NEK11: variants seen among roughly 807,000 people sequenced by gnomAD.
The protein encoded by NEK11 is serine/threonine-protein kinase Nek11.
Under a neutral mutation model 80.7 loss-of-function variants are expected in NEK11, and 72 were observed. The observed-to-expected ratio is 0.89, with a 90% CI of 0.74 to 1.08. The LOEUF (loss-of-function observed/expected upper bound fraction) is 1.08, where lower values mean the gene tolerates loss of function less well. Among genes scored for constraint, NEK11 ranks in the 50% least tolerant of loss-of-function variants. NEK11 has a pLI of 0.00. For missense variants in NEK11, 764 were observed against 763.6 expected (o/e 1.00, Z -0.01); for synonymous variants, 251 against 260.7 (o/e 0.96, Z 0.36).
chr3:131,199,890 G>A (rs562704010), intron 14 of NEK11, among the ~76,000 whole-genome samples: 18 of 152,186 alleles, frequency 1.2e-4, no homozygotes, highest in East Asian at 3.9e-4. Context: ...GCAAAAGACC[G>A]GGGAAACACA....
chr3:131,164,781 A>G (rs904404393), intron 11 of NEK11, among the ~76,000 whole-genome samples: 4 of 152,218 alleles, frequency 2.6e-5, no homozygotes, highest in African/African-American at 7.2e-5. Context: ...TGTTTTAGCT[A>G]GAAAATGACT....
At chr3:131,113,076 T>A (rs1361684739) in intron 5 of NEK11, among the ~76,000 whole-genome samples, 1 of 151,824 alleles carries the variant, frequency 6.6e-6, no homozygotes, top group Non-Finnish European at 1.5e-5. Context: ...CTGGCAGAGG[T>A]GGGTAGAATG....
At chr3:131,301,669 T>C (rs1294380449) in intron 17 of NEK11, among the ~76,000 whole-genome samples, 1 of 152,214 alleles carries the variant, frequency 6.6e-6, no homozygotes, top group Non-Finnish European at 1.5e-5. Context: ...GTTTCTGTGG[T>C]GAATCACATT....
chr3:131,325,980 C>G (rs1038530203), intron 17 of NEK11: 1 of 152,166 alleles, frequency 6.6e-6, no homozygotes, highest in Non-Finnish European at 1.5e-5. Context: ...GTGGTCTAGA[C>G]AACAAGAGAA....
chr3:131,038,248 T>C (rs546475490), intron 3 of NEK11, among the ~76,000 whole-genome samples: 40 of 152,302 alleles, frequency 2.6e-4, no homozygotes, highest in African/African-American at 9.6e-4. Flanking sequence ...GGACTTCACT[T>C]TGGGCTTTGT....
At chr3:131,294,644 T>C (rs1352558221) in intron 17 of NEK11, among the ~76,000 whole-genome samples, 2 of 152,140 alleles carry the variant, frequency 1.3e-5, no homozygotes, top group Non-Finnish European at 2.9e-5. Flanking sequence ...TGTCTATTTC[T>C]GAAAGAAGGA....
chr3:131,253,107 T>G (rs528325867), intron 16 of NEK11, among the ~76,000 whole-genome samples: 33 of 152,252 alleles, frequency 2.2e-4, no homozygotes, highest in African/African-American at 7.2e-4. Context: ...AGAGAGCTCA[T>G]GAAGGTTCAA....
Position 131,228,566 on chromosome 3 carries a change from G to A in NEK11, c.1438G>A (p.Ala480Thr), listed in dbSNP as rs200376501. The A allele has an allele frequency of 2.0e-5, 32 of 1,613,274 alleles. No homozygotes were observed. Among genetic ancestry groups the A allele is most frequent in the African/African-American group, 1.2e-4 (9 of 74,994 alleles). ...CCCACTTGTGGCTGAAGAGTACTACGCTGATGCATTTGATTCCTATTGTGA... is the reference window on the plus strand; with the variant it reads ...CCCACTTGTGGCTGAAGAGTACTACACTGATGCATTTGATTCCTATTGTGA... ...EDPLVAEEYY[A>T]DAFDSYCEES... Residue 480 changes from alanine to threonine, a missense_variant, in exon 15 of 18, where the codon GCT becomes ACT. By Grantham distance (58) the Ala-to-Thr change is moderately conservative (BLOSUM62 0). Coordinates refer to ENST00000383366, the MANE Select transcript of NEK11 (RefSeq NM_024800.5).
chr3:131,258,843 C>A (rs1275310235), intron 16 of NEK11, among the ~76,000 whole-genome samples: 1 of 152,120 alleles, frequency 6.6e-6, no homozygotes, highest in Non-Finnish European at 1.5e-5. Flanking sequence ...CCAAGTTGAT[C>A]CACTTTTTCC....
chr3:131,212,647 T>G (rs2094673822), intron 14 of NEK11, among the ~76,000 whole-genome samples: 1 of 152,202 alleles, frequency 6.6e-6, no homozygotes, highest in Non-Finnish European at 1.5e-5. Context: ...AAAGTCAACA[T>G]CTAAATGTCA....
At chr3:131,224,584 T>C (rs1482370138) in intron 14 of NEK11, among the ~76,000 whole-genome samples, 1 of 152,060 alleles carries the variant, frequency 6.6e-6, no homozygotes, top group African/African-American at 2.4e-5. Context: ...TTAAAAAAAA[T>C]TAACTGTAAA....
chr3:131,189,222 G>T (rs749078285), intron 14 of NEK11, among the ~76,000 whole-genome samples: 1 of 152,152 alleles, frequency 6.6e-6, no homozygotes, highest in Non-Finnish European at 1.5e-5. Flanking sequence ...AGAATTGTGA[G>T]AGAATAAATT....
chr3:131,206,208 A>G (rs1267551771), intron 14 of NEK11, among the ~76,000 whole-genome samples: 1 of 152,208 alleles, frequency 6.6e-6, no homozygotes, highest in African/African-American at 2.4e-5. Flanking sequence ...ATAGGTTTGA[A>G]AACTTCAGAC....
intron 16 of NEK11, among the ~76,000 whole-genome samples, chr3:131,270,992 A>G (rs561205453): frequency 6.6e-6 from 1 of 152,322 alleles, no homozygotes; most frequent in South Asian, 2.1e-4. Flanking sequence ...TATTGTAAAA[A>G]GCAACCAACA....
At position 131,152,946 on chromosome 3, in the gene NEK11, G is replaced by A. The variant is rs143799312; in HGVS notation, c.876+237G>A. Among the ~76,000 whole-genome samples, 368 of 152,216 alleles carry A rather than the reference G, an allele frequency of 2.4e-3. 6 individuals are homozygous for A. The East Asian group carries it at 0.063, about 26-fold the overall frequency. On this transcript the variant is annotated intron_variant, in intron 9 of 17. Coordinates refer to ENST00000383366, the MANE Select transcript of NEK11 (RefSeq NM_024800.5). Reference sequence around the variant, plus strand: ...TAAAAGTACAAAAAAAATTAGCTGGGCGTGGTGGTGCGTGTCTTTAGTCCC... The same window carrying A: ...TAAAAGTACAAAAAAAATTAGCTGGACGTGGTGGTGCGTGTCTTTAGTCCC...
At chr3:131,142,986 T>C (rs2087292007) in intron 7 of NEK11, among the ~76,000 whole-genome samples, 1 of 152,174 alleles carries the variant, frequency 6.6e-6, no homozygotes, top group Non-Finnish European at 1.5e-5. Context: ...TCGTATTCCC[T>C]AAAATGTGAC....
chr3:131,243,435 G>C lies in NEK11; in HGVS notation c.1561-1G>C. The C allele has an allele frequency of 2.5e-6, 4 of 1,612,288 alleles. No homozygotes were observed. Among genetic ancestry groups the C allele is most frequent in the Non-Finnish European group, 3.4e-6 (4 of 1,178,876 alleles). On this transcript the variant is annotated splice_acceptor_variant, in intron 15 of 17. Coordinates refer to ENST00000383366, the MANE Select transcript of NEK11 (RefSeq NM_024800.5). LOFTEE classifies it high-confidence loss of function. ...TAAACATTTCTCCCTTATTTTGACA[G>C]GACAGTGATATCGAAGCGTTGGCCA...
At chr3:131,034,345 T>G (rs1012809544) in intron 3 of NEK11, among the ~76,000 whole-genome samples, 1 of 152,096 alleles carries the variant, frequency 6.6e-6, no homozygotes. Flanking sequence ...CTATGCAGAG[T>G]TGATTTTATG....
chr3:131,301,292 G>T (rs917098321), intron 17 of NEK11, among the ~76,000 whole-genome samples: 1 of 152,078 alleles, frequency 6.6e-6, no homozygotes, highest in African/African-American at 2.4e-5. Flanking sequence ...AGATTGTGGG[G>T]TTTTCTAGAT....
Sources: allele counts gnomAD v4.1 joint callset (sites outside exome capture counted in the v4.1 genomes callset), GRCh38; gene constraint gnomAD v4.1.1; transcripts MANE v1.5; gene names NCBI Gene and HGNC (gene_info 2026-07-23, HGNC 2026-07-21).